Variants in STK3 observed in about 807,000 individuals in gnomAD.
The protein encoded by STK3 is serine/threonine kinase 3, also known as serine/threonine-protein kinase 3.
In STK3, 41 loss-of-function variants were observed where a neutral mutation model predicts 58.0. That is an observed-to-expected ratio of 0.71 (90% CI 0.55 to 0.92). The LOEUF (loss-of-function observed/expected upper bound fraction) is 0.92, where lower values mean the gene tolerates loss of function less well. STK3 is among the 40% of genes least tolerant of loss of function. The probability of loss-of-function intolerance (pLI) is 0.00; values close to 1 mark genes in which losing one functional copy is unlikely to be tolerated. For synonymous variants in STK3, 170 were observed against 191.0 expected (o/e 0.89, Z 0.91); for missense variants, 479 against 602.7 (o/e 0.79, Z 2.15).
At chr8:98,738,331 G>C (rs1271124229) in intron 4 of STK3, among the ~76,000 whole-genome samples, 1 of 151,966 alleles carries the variant, frequency 6.6e-6, no homozygotes, top group Non-Finnish European at 1.5e-5. Flanking sequence ...AAATTAGCTG[G>C]GTGTGATAGT....
chr8:98,915,554 T>C (rs1302205395), intron 1 of STK3, among the ~76,000 whole-genome samples: 1 of 150,576 alleles, frequency 6.6e-6, no homozygotes, highest in African/African-American at 2.5e-5. Context: ...GTACTTAATA[T>C]ACACAAAAGT....
chr8:98,592,221 TTGTC>T (rs1201302191), intron 7 of STK3, among the ~76,000 whole-genome samples: 9 of 152,360 alleles, frequency 5.9e-5, no homozygotes, highest in Non-Finnish European at 1.0e-4. Flanking sequence ...TGCTTCACTG[TTGTC>T]TGTATCTAAA....
At chr8:98,655,752 C>G (rs557520260) in intron 6 of STK3, among the ~76,000 whole-genome samples, 1 of 152,162 alleles carries the variant, frequency 6.6e-6, no homozygotes, top group Admixed American at 6.5e-5. Context: ...CCATCACTGG[C>G]CATCAGAGAA....
chr8:98,474,499 T>C (rs983730213), intron 10 of STK3, among the ~76,000 whole-genome samples: 3 of 152,212 alleles, frequency 2.0e-5, no homozygotes, highest in Admixed American at 6.5e-5. Context: ...CCAAGCTCTT[T>C]GCATGTGAAT....
chr8:98,502,314 A>G (rs1823671524), intron 10 of STK3, among the ~76,000 whole-genome samples: 1 of 152,178 alleles, frequency 6.6e-6, no homozygotes, highest in African/African-American at 2.4e-5. Flanking sequence ...GGCTGAGACA[A>G]TGGGGTTTTC....
At chr8:98,808,483 GAGACTCAGGAAA>G (rs1330823116) in intron 1 of STK3, among the ~76,000 whole-genome samples, 4 of 152,220 alleles carry the variant, frequency 2.6e-5, no homozygotes, top group Admixed American at 2.0e-4. Context: ...CAGTTTTGAA[GAGACTCAGGAAA>G]AGTTCAGAAG....
intron 3 of STK3, among the ~76,000 whole-genome samples, chr8:98,754,517 T>TC (rs1399509046): frequency 1.3e-5 from 2 of 150,982 alleles, no homozygotes; most frequent in Admixed American, 6.6e-5. Context: ...TCTCTCTCTC[T>TC]TTTTTTTTCT....
At chr8:98,592,366 G>A (rs766591654) in intron 7 of STK3, among the ~76,000 whole-genome samples, 2 of 152,096 alleles carry the variant, frequency 1.3e-5, no homozygotes, top group Non-Finnish European at 2.9e-5. Flanking sequence ...AAAATGATCT[G>A]CTTCTTCTGT....
chr8:98,361,474 G>T, the STK3 span, among the ~76,000 whole-genome samples: 2 of 152,234 alleles, frequency 1.3e-5, no homozygotes, highest in South Asian at 4.1e-4. Context: ...TTCCTCATCT[G>T]TGGCATGCAG....
At chr8:98,534,032 A>C (rs1809558863) in intron 9 of STK3, among the ~76,000 whole-genome samples, 1 of 152,224 alleles carries the variant, frequency 6.6e-6, no homozygotes, top group Non-Finnish European at 1.5e-5. Flanking sequence ...CACTGCTGAT[A>C]ATGTATTTGA....
At chr8:98,650,975 T>G (rs1820867313) in intron 6 of STK3, among the ~76,000 whole-genome samples, 1 of 152,224 alleles carries the variant, frequency 6.6e-6, no homozygotes. Flanking sequence ...TCTGAACAGC[T>G]TTGAAGACAG....
chr8:98,776,895 G>A (rs1370597212), intron 1 of STK3, among the ~76,000 whole-genome samples: 1 of 151,530 alleles, frequency 6.6e-6, no homozygotes, highest in Non-Finnish European at 1.5e-5. Flanking sequence ...CTAAAAATAC[G>A]AAAAATAAGC....
intron 6 of STK3, chr8:98,598,151 G>A: frequency 1.0e-6 from 1 of 985,274 alleles, no homozygotes; most frequent in Non-Finnish European, 1.2e-6. Flanking sequence ...TTGTTCATCT[G>A]CACTTCTGTT....
chr8:98,419,075 A>G (rs995986917), intron 3 of STK3, among the ~76,000 whole-genome samples: 1 of 152,160 alleles, frequency 6.6e-6, no homozygotes, highest in Admixed American at 6.5e-5. Context: ...GGAGTCTGTG[A>G]TCTGGCTAGG....
chr8:98,777,866 A>G (rs923597263), intron 1 of STK3, among the ~76,000 whole-genome samples: 1 of 152,224 alleles, frequency 6.6e-6, no homozygotes, highest in East Asian at 1.9e-4. Flanking sequence ...TACACCTTAT[A>G]CAAAAATTAA....
At chr8:98,521,682 GTA>G (rs1012782348) in intron 10 of STK3, among the ~76,000 whole-genome samples, 18 of 151,904 alleles carry the variant, frequency 1.2e-4, no homozygotes, top group African/African-American at 4.1e-4. Flanking sequence ...TTTATCTCTC[GTA>G]TTTTTCCAGA....
Position 98,739,176 on chromosome 8 carries a change from CAA to C in STK3, c.351+10098_351+10099del, listed in dbSNP as rs929496124. ...CCTCTGGGGGCAGGGCACAGACAAACAAAAAGACAGCAGTAACCTCTGCAGAC... is the reference window on the plus strand; with the variant it reads ...CCTCTGGGGGCAGGGCACAGACAAACAAAGACAGCAGTAACCTCTGCAGAC... On this transcript the variant is annotated intron_variant, in intron 4 of 10. Coordinates refer to ENST00000419617, the MANE Select transcript of STK3 (RefSeq NM_006281.4). Among the ~76,000 whole-genome samples, 91 of 152,364 alleles carry C rather than the reference CAA, an allele frequency of 6.0e-4. 1 individual carries two copies. Among genetic ancestry groups the C allele is most frequent in the African/African-American group, 2.0e-3 (85 of 41,590 alleles).
chr8:98,597,549 T>TC, intron 6 of STK3: 1 of 985,394 alleles, frequency 1.0e-6, no homozygotes, highest in Non-Finnish European at 1.2e-6. Context: ...TTTAGAGGTA[T>TC]CAAAACAAAG....
intron 1 of STK3, chr8:98,942,338 C>G (rs1376813582): frequency 6.6e-6 from 1 of 152,324 alleles, no homozygotes. Flanking sequence ...CCGGGCCACG[C>G]GGCATCCCCC....
Sources: allele counts gnomAD v4.1 joint callset (sites outside exome capture counted in the v4.1 genomes callset), GRCh38; gene constraint gnomAD v4.1.1; transcripts MANE v1.5; gene names NCBI Gene and HGNC (gene_info 2026-07-23, HGNC 2026-07-21).